The following HHAT variants were observed in gnomAD, a reference collection of about 807,000 sequenced individuals.
HHAT encodes hedgehog acyltransferase.
Under a neutral mutation model 70.8 loss-of-function variants are expected in HHAT, and 47 were observed. That is an observed-to-expected ratio of 0.66 (90% confidence interval 0.53 to 0.85). The LOEUF is 0.85. Ranked by LOEUF, HHAT falls within the 40% of genes least tolerant of loss-of-function variation. HHAT has a pLI of 0.00. For synonymous variants in HHAT, 228 were observed against 247.6 expected (o/e 0.92, Z 0.74); for missense variants, 609 against 604.8 (o/e 1.01, Z -0.07).
chr1:210,418,412 G>T, intron 7 of HHAT, 87 bp downstream of exon 7: 2 of 1,242,718 alleles, frequency 1.6e-6, no homozygotes, highest in African/African-American at 3.0e-5. Context: ...GGGTGAGCAG[G>T]GGTGCAGGTG....
At chr1:210,560,863 T>C (rs1205833419) in intron 9 of HHAT, among the ~76,000 whole-genome samples, 1 of 117,528 alleles carries the variant, frequency 8.5e-6, no homozygotes, top group East Asian at 2.4e-4. Flanking sequence ...CAGAGTAGAA[T>C]GTGGTGGATC....
intron 10 of HHAT, among the ~76,000 whole-genome samples, chr1:210,615,926 A>C (rs899426117): frequency 5.9e-5 from 9 of 152,258 alleles, no homozygotes; most frequent in East Asian, 1.9e-4. Context: ...CTCAGATCTC[A>C]AGCTGCGTGC....
intron 7 of HHAT, among the ~76,000 whole-genome samples, chr1:210,435,543 T>G (rs2093355312): frequency 6.6e-6 from 1 of 151,776 alleles, no homozygotes; most frequent in African/African-American, 2.4e-5. Flanking sequence ...GGGGGCAGTT[T>G]TTATACTGTT....
At chr1:210,639,823 G>T (rs1244054155) in intron 11 of HHAT, among the ~76,000 whole-genome samples, 1 of 152,100 alleles carries the variant, frequency 6.6e-6, no homozygotes, top group African/African-American at 2.4e-5. Flanking sequence ...CAGTACAGTT[G>T]TTTCCTAACT....
chr1:210,662,731 C>T (rs574745622), intron 11 of HHAT, among the ~76,000 whole-genome samples: 2 of 151,938 alleles, frequency 1.3e-5, no homozygotes, highest in Non-Finnish European at 2.9e-5. Context: ...GGCTAGTTCT[C>T]CTCCCCACTC....
At chr1:210,463,019 A>G (rs1191835095) in intron 7 of HHAT, 2 of 152,162 alleles carry the variant, frequency 1.3e-5, no homozygotes, top group Non-Finnish European at 2.9e-5. Flanking sequence ...GCATGTGGCC[A>G]TTTATCGTCT....
chr1:210,538,619 T>G (rs2095398371), intron 9 of HHAT, among the ~76,000 whole-genome samples: 1 of 152,192 alleles, frequency 6.6e-6, no homozygotes, highest in Admixed American at 6.5e-5. Context: ...GTCTTGAGAT[T>G]GTCTTCTACA....
intron 11 of HHAT, among the ~76,000 whole-genome samples, chr1:210,630,541 A>G (rs1670660352): frequency 6.6e-6 from 1 of 152,230 alleles, no homozygotes; most frequent in Non-Finnish European, 1.5e-5. Flanking sequence ...GGGAATTTCA[A>G]GGGTGGTGTT....
intron 9 of HHAT, among the ~76,000 whole-genome samples, chr1:210,580,221 G>A (rs1658922106): frequency 6.6e-6 from 1 of 152,100 alleles, no homozygotes; most frequent in African/African-American, 2.4e-5. Context: ...ACTCCTCTTA[G>A]CCTTATGGAG....
intron 8 of HHAT, among the ~76,000 whole-genome samples, chr1:210,511,955 A>T (rs1478892797): frequency 6.6e-6 from 1 of 151,724 alleles, no homozygotes; most frequent in Non-Finnish European, 1.5e-5. Flanking sequence ...CTTCTTACTC[A>T]CAGTCCGACC....
At chr1:210,327,518 T>A (rs895826363), upstream of HHAT, among the ~76,000 whole-genome samples, 1 of 152,182 alleles carries the variant, frequency 6.6e-6, no homozygotes, top group Non-Finnish European at 1.5e-5. Context: ...ATTTACTTAT[T>A]TTTTTGAGAC....
intron 3 of HHAT, among the ~76,000 whole-genome samples, chr1:210,379,416 A>G (rs2090466264): frequency 6.6e-6 from 1 of 152,224 alleles, no homozygotes. Flanking sequence ...AGAGGAGTAA[A>G]TAGTCATGGT....
intron 9 of HHAT, among the ~76,000 whole-genome samples, chr1:210,584,383 A>G (rs1659963368): frequency 6.6e-6 from 1 of 152,160 alleles, no homozygotes. Context: ...CTTTTGCAAT[A>G]GGTTTGATTA....
intron 10 of HHAT, among the ~76,000 whole-genome samples, chr1:210,595,113 C>T (rs981170741): frequency 6.6e-6 from 1 of 152,110 alleles, no homozygotes; most frequent in Non-Finnish European, 1.5e-5. Flanking sequence ...TATTCCTCCC[C>T]ACTCCCCCCA....
At chr1:210,445,596 A>G (rs765773481) in intron 7 of HHAT, among the ~76,000 whole-genome samples, 1 of 152,174 alleles carries the variant, frequency 6.6e-6, no homozygotes, top group Non-Finnish European at 1.5e-5. Flanking sequence ...TTCACCTGGG[A>G]TGATTTCCTC....
intron 10 of HHAT, 107 bp downstream of exon 10, chr1:210,588,206 A>G (rs752287622): frequency 1.1e-4 from 109 of 977,364 alleles, no homozygotes; most frequent in Admixed American, 2.0e-4. Flanking sequence ...GGCCCTTTCT[A>G]CTAGGTTGGT....
Position 210,404,591 on chromosome 1 carries a change from A to T in HHAT, c.596A>T (p.Tyr199Phe). 1.2e-6 allele frequency: 2 copies of T among 1,612,798 alleles called. No individual in the cohort carries two copies. Among genetic ancestry groups the T allele is most frequent in the Non-Finnish European group, 1.7e-6 (2 of 1,179,690 alleles). Reference sequence around the variant, plus strand: ...CAGCTGCCTGCTGCATCGACCTCCTACTCCTTTCCCTGGATGCTGGCCTAT... The same window carrying T: ...CAGCTGCCTGCTGCATCGACCTCCTTCTCCTTTCCCTGGATGCTGGCCTAT... ...WQQLPAASTS[Y>F]SFPWMLAYVF... The change falls in exon 6 of 12, where the codon TAC becomes TTC. Residue 199 changes from tyrosine (Y) to phenylalanine (F), a missense_variant. By Grantham distance (22) the Tyr-to-Phe change is conservative. Transcript: ENST00000261458.
Position 210,623,556 on chromosome 1 carries a change from C to T in HHAT, c.1276C>T (p.Arg426Ter). 8.7e-6 allele frequency: 14 copies of T among 1,614,064 alleles called. No individual in the cohort carries two copies. Among genetic ancestry groups the T allele is most frequent in the South Asian group, 2.2e-5 (2 of 91,038 alleles). ...ARYFSPQARR[R>*]FHAALASCST... Reference sequence around the variant, plus strand: ...ATACTTCTCCCCACAAGCTCGCCGTCGATTCCACGCTGCCCTTGCTTCTTG... The same window carrying T: ...ATACTTCTCCCCACAAGCTCGCCGTTGATTCCACGCTGCCCTTGCTTCTTG... The change falls in exon 11 of 12, where the codon CGA becomes TGA. Residue 426 changes from arginine to a stop codon, truncating the protein, a stop_gained. Coordinates refer to ENST00000261458, the MANE Select transcript of HHAT (RefSeq NM_018194.6). LOFTEE classifies it high-confidence loss of function.
At chr1:210,630,682 T>A (rs552726434) in intron 11 of HHAT, among the ~76,000 whole-genome samples, 2 of 152,324 alleles carry the variant, frequency 1.3e-5, no homozygotes, top group South Asian at 4.1e-4. Flanking sequence ...GCACACCCCG[T>A]ATCTAAGATC....
Sources: gnomAD v4.1 joint callset for allele counts (sites outside exome capture counted in the v4.1 genomes callset) on GRCh38, gnomAD v4.1.1 for gene constraint, MANE v1.5 for transcripts, NCBI Gene and HGNC (gene_info 2026-07-23, HGNC 2026-07-21) for gene names.